The following DTNBP1 variants were observed in gnomAD, a reference collection of about 807,000 sequenced individuals.
DTNBP1 encodes the protein dysbindin.
Under a neutral mutation model 42.8 loss-of-function variants are expected in DTNBP1, and 35 were observed. That is an observed-to-expected ratio of 0.82 (90% CI 0.63 to 1.09). DTNBP1 has a LOEUF of 1.09. DTNBP1 is among the 50% of genes least tolerant of loss of function. The pLI, the probability that DTNBP1 is intolerant of heterozygous loss-of-function variation, is 0.00. For missense variants in DTNBP1, 457 were observed against 424.2 expected, an observed-to-expected ratio of 1.08 and a Z score of -0.68; for synonymous variants, 171 against 162.2, an observed-to-expected ratio of 1.05 and a Z score of -0.41.
intron 7 of DTNBP1, among the ~76,000 whole-genome samples, chr6:15,554,820 G>A (rs1249344851): frequency 2.0e-5 from 3 of 152,298 alleles, no homozygotes; most frequent in East Asian, 3.9e-4. Flanking sequence ...AGGTGAAGAA[G>A]ACCAGAAAAC....
rs896505993 is a variant in DTNBP1 at position 15,565,105 on chromosome 6, G to A, written c.511+27954C>T. The stretch of plus-strand genomic sequence containing the variant: ...GTGACAGAGCAAGACCCTGTCTCAG[G>A]AAAATAAAAAGACAAAATTACATGG... On this transcript the variant is annotated intron_variant, in intron 7 of 9. Coordinates refer to ENST00000344537, the MANE Select transcript of DTNBP1 (RefSeq NM_032122.5). 8.5e-5 allele frequency among the ~76,000 whole-genome samples: 13 copies of A among 152,164 alleles called. No homozygotes were observed. The South Asian group carries it at 2.3e-3, about 27-fold the overall frequency.
chr6:15,639,301 T>C (rs1237966857), intron 3 of DTNBP1, among the ~76,000 whole-genome samples: 1 of 152,218 alleles, frequency 6.6e-6, no homozygotes, highest in African/African-American at 2.4e-5. Flanking sequence ...AAATCTGAAA[T>C]TATTTCAAAA....
chr6:15,604,678 T>G (rs532876252), intron 6 of DTNBP1, among the ~76,000 whole-genome samples: 64 of 151,030 alleles, frequency 4.2e-4, no homozygotes, highest in Non-Finnish European at 7.1e-4. Context: ...CGCCATAATC[T>G]CTTAAATATA....
chr6:15,524,805 T>A, intron 8 of DTNBP1, 136 bp from the exon 9 acceptor site: 3 of 1,332,940 alleles, frequency 2.3e-6, no homozygotes, highest in Non-Finnish European at 3.1e-6. Flanking sequence ...AACGTATTAG[T>A]AGATGACATA....
chr6:15,593,735 C>T (rs1776391154), intron 6 of DTNBP1, among the ~76,000 whole-genome samples: 1 of 152,158 alleles, frequency 6.6e-6, no homozygotes, highest in Non-Finnish European at 1.5e-5. Flanking sequence ...GAAAGCAAAG[C>T]AAGTTGTTTT....
chr6:15,547,189 A>G (rs1052307629), intron 7 of DTNBP1, among the ~76,000 whole-genome samples: 5 of 152,288 alleles, frequency 3.3e-5, no homozygotes, highest in Non-Finnish European at 7.4e-5. Context: ...AGTATAAACC[A>G]ACTGCCAGCG....
intron 1 of DTNBP1, among the ~76,000 whole-genome samples, chr6:15,662,558 C>A (rs1204519858): frequency 1.3e-5 from 2 of 152,204 alleles, no homozygotes; most frequent in African/African-American, 4.8e-5. Flanking sequence ...CCCCCCCGGG[C>A]GCTCCGCTGC....
In DTNBP1 at chr6:15,627,492, G is replaced by T; in HGVS notation, c.223-17C>A. The T allele has an allele frequency of 1.2e-6, 2 of 1,613,400 alleles. No individual in the cohort carries two copies. ...ATCCACCAGCTGCAGCACACAAGAA[G>T]GGGGGTAAAGTGAAACCAGGTTTTA... On this transcript the variant is annotated splice_polypyrimidine_tract_variant and intron_variant, in intron 4 of 9. Transcript: ENST00000344537.
chr6:15,530,042 G>C (rs1412352200), intron 8 of DTNBP1, among the ~76,000 whole-genome samples: 1 of 152,368 alleles, frequency 6.6e-6, no homozygotes, highest in East Asian at 1.9e-4. Flanking sequence ...TGATTCTCTG[G>C]ATAAAACTTT....
At chr6:15,601,787 G>A (rs140807299) in intron 6 of DTNBP1, among the ~76,000 whole-genome samples, 2,190 of 151,224 alleles carry the variant, frequency 0.014, 48 homozygotes, top group African/African-American at 0.05. Context: ...AGAGGTTGTG[G>A]TGAGCTGAGA....
intron 4 of DTNBP1, among the ~76,000 whole-genome samples, chr6:15,628,901 T>C (rs752727440): frequency 2.0e-5 from 3 of 152,230 alleles, no homozygotes; most frequent in Admixed American, 6.5e-5. Context: ...AACTAAGCTA[T>C]GACACATCTC....
At chr6:15,654,161 T>C (rs1252540972) in intron 1 of DTNBP1, among the ~76,000 whole-genome samples, 2 of 152,242 alleles carry the variant, frequency 1.3e-5, no homozygotes, top group Admixed American at 1.3e-4. Flanking sequence ...ATCTCTTTAA[T>C]ACAAAAGTAA....
At chr6:15,611,849 G>A (rs1293940405) in intron 6 of DTNBP1, among the ~76,000 whole-genome samples, 1 of 152,186 alleles carries the variant, frequency 6.6e-6, no homozygotes, top group Non-Finnish European at 1.5e-5. Flanking sequence ...TACTTCCTAT[G>A]GATGAGCAAA....
At chr6:15,541,086 G>A (rs1028327849) in intron 7 of DTNBP1, among the ~76,000 whole-genome samples, 2 of 152,090 alleles carry the variant, frequency 1.3e-5, no homozygotes, top group African/African-American at 4.8e-5. Context: ...TCGGGGCTAA[G>A]CACTAAGCCA....
chr6:15,660,488 C>A (rs1482813670), intron 1 of DTNBP1: 1 of 1,289,712 alleles, frequency 7.8e-7, no homozygotes. Flanking sequence ...ATGGCACACA[C>A]TGACAGTCCA....
intron 6 of DTNBP1, chr6:15,595,352 C>T: frequency 2.6e-6 from 1 of 383,392 alleles, no homozygotes; most frequent in Non-Finnish European, 5.0e-6. Flanking sequence ...GCAACCTCTG[C>T]CTCCCGGGTT....
chr6:15,646,258 GACAC>G (rs58643392), intron 3 of DTNBP1, among the ~76,000 whole-genome samples: 74,343 of 148,984 alleles, frequency 0.5, 19,567 homozygotes, highest in African/African-American at 0.67. Flanking sequence ...ATTTACAATA[GACAC>G]ACACACACAC....
intron 7 of DTNBP1, among the ~76,000 whole-genome samples, chr6:15,581,490 T>TG (rs1401510490): frequency 2.5e-4 from 37 of 145,164 alleles, no homozygotes; most frequent in African/African-American, 9.2e-4. Context: ...TTTTTTTTTT[T>TG]TTTTTTTTGA....
chr6:15,584,909 T>C (rs936452786), intron 7 of DTNBP1, among the ~76,000 whole-genome samples: 1 of 148,804 alleles, frequency 6.7e-6, no homozygotes, highest in African/African-American at 2.5e-5. Flanking sequence ...GCACAGTTAA[T>C]TTTTCAGGTA....
Sources: allele counts gnomAD v4.1 joint callset (sites outside exome capture counted in the v4.1 genomes callset), GRCh38; gene constraint gnomAD v4.1.1; transcripts MANE v1.5; gene names NCBI Gene and HGNC (gene_info 2026-07-23, HGNC 2026-07-21).